The following FAM9B variants were observed in gnomAD, a reference collection of about 807,000 sequenced individuals.
FAM9B encodes family with sequence similarity 9 member B, also known as protein FAM9B.
In FAM9B, 18 loss-of-function variants were observed where a neutral mutation model predicts 16.6. That is an observed-to-expected ratio of 1.09 (90% CI 0.75 to 1.61). FAM9B has a LOEUF of 1.61. Among genes scored for constraint, FAM9B ranks in the 40% most tolerant of loss-of-function variants. The pLI is 0.00. For synonymous variants in FAM9B, 43 were observed against 42.6 expected (o/e 1.01, Z -0.03); for missense variants, 155 against 136.0 (o/e 1.14, Z -0.70).
At chrX:9,033,775 G>A (rs1216382881) in intron 1 of FAM9B, 77 bp downstream of exon 1, 11 of 744,765 alleles carry the variant, frequency 1.5e-5, no homozygotes, top group Non-Finnish European at 1.7e-5. Context: ...AGGTCGGCGG[G>A]CTGCCCAGCG....
Position 9,029,415 on chromosome X carries a change from C to T in FAM9B, c.285G>A (p.Gln95=). The change falls in exon 6 of 9, where the codon CAG becomes CAA. Residue 95 remains glutamine (Q), a synonymous_variant. Transcript: ENST00000327220. ...TCAGAGAATGTATATAATCACGTTT[C>T]TGCCTGTAACACATAATAAGTAACA... ...HALRKKQLKR[Q]KRDYIHSLKL... is the part of the protein sequence containing the mutation. 1.7e-6 allele frequency: 2 copies of T among 1,164,186 alleles called. No individual in the cohort carries two copies. The highest frequency in any genetic ancestry group is 3.5e-5 in the African/African-American group (2 of 56,940).
rs150312431 is a variant in FAM9B, at chrX:9,029,355, G to A, written c.345C>T (p.Asp115=). The A allele has an allele frequency of 6.5e-5, 79 of 1,206,856 alleles. No homozygotes were observed. Among genetic ancestry groups the A allele is most frequent in the South Asian group, 3.7e-4 (21 of 56,493 alleles). ...CTTCTTCTTCTTCCTCTTTCTGCTC[G>A]TCTGTGATGTATTCTTCAAGGACAT... ...LLNVLEEYIT[D]EQKEEEEEEG... Residue 115 remains aspartate, a synonymous_variant, in exon 6 of 9, where the codon GAC becomes GAT. Transcript: ENST00000327220.
chrX:9,033,311 G>A lies in FAM9B; in HGVS notation c.-89-236C>T, dbSNP rs1171429641. 6.6e-6 allele frequency: 7 copies of A among 1,059,011 alleles called. No homozygotes were observed. The African/African-American group carries it at 1.3e-4, about 20-fold the overall frequency. 87.3% of individuals were successfully genotyped at this position (1,059,011 alleles called of 1,213,427 possible). ...CACACCTGAACTCCACGGCCTCTGC[G>A]GGATCCTCGCCGCCCTTTTGGGACA... On this transcript the variant is annotated intron_variant, in intron 1 of 8. Coordinates refer to ENST00000327220, the MANE Select transcript of FAM9B (RefSeq NM_205849.3).
At position 9,030,336 on chromosome X, in the gene FAM9B, CTT is replaced by C; in HGVS notation, c.204_205del (p.Arg69AspfsTer5). The C allele has an allele frequency of 8.3e-7, 1 of 1,198,866 alleles. No homozygotes were observed. The highest frequency in any genetic ancestry group is 1.1e-6 in the Non-Finnish European group (1 of 888,873). The stretch of plus-strand genomic sequence containing the variant: ...GCTGCAAGTTTTATCCATTTTCATC[CTT>C]TTTCTTTTTGCAGTAAGATCCTCTT... On this transcript the variant is annotated frameshift_variant, in exon 5 of 9. Coordinates refer to ENST00000327220, the MANE Select transcript of FAM9B (RefSeq NM_205849.3). LOFTEE classifies it high-confidence loss of function.
chrX:9,029,743 C>T (rs1281946928), intron 5 of FAM9B, among the ~76,000 whole-genome samples: 1 of 111,833 alleles, frequency 8.9e-6, no homozygotes, highest in Admixed American at 9.5e-5. Flanking sequence ...TATGGGTTCT[C>T]ATAAGTAGGT....
At chrX:9,033,705 A>AACACC in intron 1 of FAM9B, 147 bp downstream of exon 1, 1 of 32,573 alleles carries the variant, frequency 3.1e-5, no homozygotes, top group Non-Finnish European at 3.8e-5. Flanking sequence ...ACCCTAGCCC[A>AACACC]CCCTCAGGGC....
chrX:9,026,884 CTG>C (rs1395577725), intron 7 of FAM9B, among the ~76,000 whole-genome samples: 4 of 111,771 alleles, frequency 3.6e-5, no homozygotes, highest in Non-Finnish European at 7.5e-5. Context: ...ATTTAAATAA[CTG>C]TTTGTGTATA....
rs190476968 is a variant in FAM9B, at chrX:9,024,685, T to C, written c.*724A>G. 29 of 112,488 alleles carry C rather than the reference T, an allele frequency of 2.6e-4. No individual in the cohort carries two copies. In the East Asian group the frequency reaches 7.3e-3, roughly 28 times the overall value. 9.3% of individuals were successfully genotyped at this position (112,488 alleles called of 1,213,427 possible). A position where few individuals can be genotyped will look rare whatever the true frequency, so the allele number is the denominator to read the frequency against. On this transcript the variant is annotated 3_prime_UTR_variant, in exon 9 of 9. Transcript: ENST00000327220. ...CACAGATAAGATAGCTTTTGTCTTC[T>C]TCTTCTTGTTTTCTGAGAAAGAGTC...
chrX:9,032,700 A>G, intron 2 of FAM9B: 1 of 537,038 alleles, frequency 1.9e-6, no homozygotes, highest in Non-Finnish European at 2.9e-6. Context: ...GACCCCTTGG[A>G]TGTCAGGACT....
intron 5 of FAM9B, among the ~76,000 whole-genome samples, chrX:9,029,637 C>G (rs1921011778): frequency 2.7e-5 from 3 of 111,674 alleles, no homozygotes; most frequent in South Asian, 3.7e-4. Context: ...CATTCTTTAC[C>G]TGCTGAAGAC....
At chrX:9,033,276 A>G in intron 1 of FAM9B, 1 of 1,083,640 alleles carries the variant, frequency 9.2e-7, no homozygotes, top group Non-Finnish European at 1.2e-6. Flanking sequence ...CAAAGCTCAC[A>G]GCTGCCCCTC....
At chrX:9,030,763 C>CA in intron 4 of FAM9B, 2 of 114,427 alleles carry the variant, frequency 1.7e-5, no homozygotes, top group Non-Finnish European at 3.6e-5. Flanking sequence ...GTAAAGCACA[C>CA]AAAAAAGTAT....
chrX:9,028,860 A>G (rs902184294), intron 6 of FAM9B, among the ~76,000 whole-genome samples: 7 of 111,193 alleles, frequency 6.3e-5, no homozygotes, highest in African/African-American at 2.3e-4. Context: ...TCAGTACTAC[A>G]GCTCAGGAGT....
intron 7 of FAM9B, 114 bp downstream of exon 7, chrX:9,027,754 G>A: frequency 1.8e-6 from 1 of 561,197 alleles, no homozygotes; most frequent in East Asian, 3.5e-5. Flanking sequence ...AAAATGCTAA[G>A]TAATTTGAAA....
chrX:9,033,462 G>T, intron 1 of FAM9B: 3 of 648,251 alleles, frequency 4.6e-6, no homozygotes, highest in African/African-American at 2.4e-5. Context: ...CGCCCCCCTG[G>T]ACGCACAGGG....
At position 9,031,971 on chromosome X, in the gene FAM9B, A is replaced by T. The variant is rs1921086986; in HGVS notation, c.181+159T>A. The T allele has an allele frequency of 1.6e-5, 7 of 444,053 alleles. No homozygotes were observed. In the East Asian group the frequency reaches 2.4e-4, roughly 15 times the overall value. The allele number at this position is 444,053 out of a possible 1,213,427, so 36.6% of individuals were successfully genotyped here. ...CACATCAACAATCAAAAAGGTAAGAAAAATTTATCAAATAGATTACATTAA... is the reference window on the plus strand; with the variant it reads ...CACATCAACAATCAAAAAGGTAAGATAAATTTATCAAATAGATTACATTAA... On this transcript the variant is annotated intron_variant, in intron 4 of 8. Coordinates refer to ENST00000327220, the MANE Select transcript of FAM9B (RefSeq NM_205849.3).
intron 6 of FAM9B, 99 bp downstream of exon 6, chrX:9,029,208 C>T (rs1237487243): frequency 8.5e-6 from 6 of 706,202 alleles, no homozygotes; most frequent in Non-Finnish European, 1.1e-5. Flanking sequence ...CCTCTCTGGG[C>T]TCATGCGCTC....
chrX:9,030,074 T>C (rs1306432269), intron 5 of FAM9B, 187 bp downstream of exon 5: 2 of 837,622 alleles, frequency 2.4e-6, no homozygotes, highest in South Asian at 3.1e-5. Context: ...TTCTAGGTAA[T>C]ATCTCTTAAT....
chrX:9,030,059 T>C (rs977495955), intron 5 of FAM9B: 2 of 728,644 alleles, frequency 2.7e-6, no homozygotes, highest in Non-Finnish European at 3.8e-6. Flanking sequence ...GTCATCTTCA[T>C]TGGCTTCTAG....
Sources: gnomAD v4.1 joint callset for allele counts (sites outside exome capture counted in the v4.1 genomes callset) on GRCh38, gnomAD v4.1.1 for gene constraint, MANE v1.5 for transcripts, NCBI Gene and HGNC (gene_info 2026-07-23, HGNC 2026-07-21) for gene names.